Variants in RGS6 observed in about 807,000 individuals in gnomAD.
RGS6 encodes regulator of G protein signaling 6.
RGS6 carries 30 observed loss-of-function variants against 78.5 expected under a neutral mutation model. The ratio of observed to expected loss-of-function variants is 0.38; its 90% CI spans 0.29 to 0.52. The LOEUF (loss-of-function observed/expected upper bound fraction) is 0.52. RGS6 is among the 20% of genes least tolerant of loss of function. The probability of loss-of-function intolerance (pLI) is 0.85; values close to 1 mark genes in which losing one functional copy is unlikely to be tolerated. For synonymous variants in RGS6, 206 were observed against 206.0 expected (o/e 1.00, Z 0.00); for missense variants, 495 against 609.7 (o/e 0.81, Z 1.98).
intron 2 of RGS6, among the ~76,000 whole-genome samples, chr14:72,236,351 A>G (rs942165555): frequency 4.6e-5 from 7 of 152,164 alleles, no homozygotes; most frequent in African/African-American, 1.7e-4. Flanking sequence ...CTTCACCACT[A>G]AACAGTTCAG....
intron 2 of RGS6, among the ~76,000 whole-genome samples, chr14:72,127,579 T>TTA (rs2096228078): frequency 6.6e-6 from 1 of 152,172 alleles, no homozygotes; most frequent in Non-Finnish European, 1.5e-5. Context: ...CAGTAGAGTT[T>TTA]TAGCACAGAA....
intron 3 of RGS6, among the ~76,000 whole-genome samples, chr14:72,392,092 C>T (rs2090123609): frequency 6.6e-6 from 1 of 152,132 alleles, no homozygotes; most frequent in Non-Finnish European, 1.5e-5. Flanking sequence ...AATCTCGGCT[C>T]ACTGTAGCCT....
At chr14:72,374,514 C>G (rs376694458) in intron 3 of RGS6, among the ~76,000 whole-genome samples, 2 of 152,152 alleles carry the variant, frequency 1.3e-5, no homozygotes, top group South Asian at 4.1e-4. Context: ...GAATACTATG[C>G]AGCCATAAAA....
the RGS6 span, among the ~76,000 whole-genome samples, chr14:72,615,036 G>A: frequency 6.6e-6 from 1 of 152,104 alleles, no homozygotes; most frequent in Non-Finnish European, 1.5e-5. Flanking sequence ...GCATCCTGTG[G>A]GAGTGTGAGC....
At chr14:72,243,088 G>A (rs1002939511) in intron 2 of RGS6, among the ~76,000 whole-genome samples, 6 of 151,860 alleles carry the variant, frequency 4.0e-5, no homozygotes, top group African/African-American at 7.3e-5. Flanking sequence ...CTGACCTGAC[G>A]ATCCACCCGC....
intron 2 of RGS6, among the ~76,000 whole-genome samples, chr14:72,285,372 A>AT (rs2062350385): frequency 6.6e-6 from 1 of 152,126 alleles, no homozygotes; most frequent in Non-Finnish European, 1.5e-5. Flanking sequence ...TACTGTTCTC[A>AT]TGGTAGTGAA....
chr14:72,598,116 C>A, the RGS6 span, among the ~76,000 whole-genome samples: 2 of 152,252 alleles, frequency 1.3e-5, no homozygotes, highest in African/African-American at 4.8e-5. Context: ...TCTTCTTTTG[C>A]CCCTCAGGGG....
rs548234425 is a variant in RGS6 at position 72,205,297 on chromosome 14, A to C, written c.85-146798A>C. Among the ~76,000 whole-genome samples, 3 of 152,096 alleles carry C rather than the reference A, an allele frequency of 2.0e-5. No homozygotes were observed. In the East Asian group the frequency reaches 5.8e-4, roughly 29 times the overall value. On this transcript the variant is annotated intron_variant, in intron 2 of 17. Coordinates refer to ENST00000553525, the MANE Select transcript of RGS6 (RefSeq NM_001204424.2). Reference sequence around the variant, plus strand: ...TTCTCTTTCTTCCATGCACATTCCCAGTATCACTTTAATGTGTCCGCCCTC... The same window carrying C: ...TTCTCTTTCTTCCATGCACATTCCCCGTATCACTTTAATGTGTCCGCCCTC...
intron 15 of RGS6, among the ~76,000 whole-genome samples, chr14:72,527,490 G>C (rs781096650): frequency 1.4e-4 from 22 of 152,202 alleles, no homozygotes; most frequent in Non-Finnish European, 2.5e-4. Flanking sequence ...GTAAAATGGG[G>C]GTGTTTAAAC....
chr14:72,256,063 G>A (rs140326788), intron 2 of RGS6, among the ~76,000 whole-genome samples: 11 of 152,178 alleles, frequency 7.2e-5, no homozygotes, highest in African/African-American at 2.7e-4. Context: ...ACAGAGCCAA[G>A]GCACTGAGAC....
chr14:72,127,461 A>G (rs967039853), intron 2 of RGS6, among the ~76,000 whole-genome samples: 7 of 152,234 alleles, frequency 4.6e-5, no homozygotes, highest in Non-Finnish European at 1.0e-4. Context: ...AAAACAAGAT[A>G]ATTCTTAAGC....
intron 2 of RGS6, among the ~76,000 whole-genome samples, chr14:71,991,816 G>T (rs1024361414): frequency 3.9e-5 from 6 of 152,070 alleles, no homozygotes; most frequent in African/African-American, 1.4e-4. Flanking sequence ...TTGTTTAAAG[G>T]GCCACATAGT....
chr14:72,019,286 T>C (rs2153261569), intron 2 of RGS6, among the ~76,000 whole-genome samples: 1 of 152,272 alleles, frequency 6.6e-6, no homozygotes, highest in Admixed American at 6.5e-5. Context: ...TTCCTAAAGG[T>C]AACTACTACA....
chr14:72,430,356 A>G (rs2094577251), intron 3 of RGS6, among the ~76,000 whole-genome samples: 1 of 152,190 alleles, frequency 6.6e-6, no homozygotes, highest in African/African-American at 2.4e-5. Context: ...CCTCACTTCC[A>G]GTTTCTCCCC....
intron 2 of RGS6, among the ~76,000 whole-genome samples, chr14:72,165,434 C>T (rs1054811983): frequency 6.6e-6 from 1 of 152,210 alleles, no homozygotes; most frequent in Non-Finnish European, 1.5e-5. Flanking sequence ...GCAGCGTGTT[C>T]TCCTACCACC....
intron 3 of RGS6, among the ~76,000 whole-genome samples, chr14:72,355,893 G>A (rs1180343811): frequency 6.6e-6 from 1 of 152,194 alleles, no homozygotes; most frequent in African/African-American, 2.4e-5. Flanking sequence ...TTGAGGATCT[G>A]TGAGGAGGAG....
intron 2 of RGS6, among the ~76,000 whole-genome samples, chr14:72,144,076 A>G (rs2096576019): frequency 6.6e-6 from 1 of 152,206 alleles, no homozygotes. Context: ...GAATCTTGAA[A>G]GAATGATGCC....
chr14:71,995,936 C>T (rs554299643), intron 2 of RGS6, among the ~76,000 whole-genome samples: 6 of 152,052 alleles, frequency 3.9e-5, no homozygotes, highest in African/African-American at 1.4e-4. Flanking sequence ...TCCTGGCTGC[C>T]GAGTCCCCTG....
chr14:72,557,201 T>C (rs1222004308), intron 17 of RGS6, among the ~76,000 whole-genome samples: 1 of 152,022 alleles, frequency 6.6e-6, no homozygotes, highest in Non-Finnish European at 1.5e-5. Flanking sequence ...GTTGAGTTAA[T>C]AGAGGGTGAT....
Sources: gnomAD v4.1 joint callset for allele counts (sites outside exome capture counted in the v4.1 genomes callset) on GRCh38, gnomAD v4.1.1 for gene constraint, MANE v1.5 for transcripts, NCBI Gene and HGNC (gene_info 2026-07-23, HGNC 2026-07-21) for gene names.